Variants in METTL8 observed in about 807,000 individuals in gnomAD.
METTL8 encodes the protein methyltransferase 8, tRNA N3-cytidine.
In METTL8, 32 loss-of-function variants were observed where a neutral mutation model predicts 48.7. The observed-to-expected ratio is 0.66, with a 90% CI of 0.50 to 0.88. The LOEUF (loss-of-function observed/expected upper bound fraction) is 0.88. METTL8 is among the 40% of genes least tolerant of loss of function. The pLI is 0.00. For missense variants in METTL8, 464 were observed against 474.4 expected (o/e 0.98, Z 0.20); for synonymous variants, 136 against 157.1 (o/e 0.87, Z 1.01).
chr2:171,399,355 G>A (rs1222898653), intron 1 of METTL8, among the ~76,000 whole-genome samples: 1 of 152,146 alleles, frequency 6.6e-6, no homozygotes, highest in Non-Finnish European at 1.5e-5. Flanking sequence ...CAGACTTCCT[G>A]CCAGCTCTAG....
Position 171,318,754 on chromosome 2 carries a change from C to T in METTL8, c.*5418G>A, listed in dbSNP as rs1684382406. 1 of 151,902 alleles carries T rather than the reference C, an allele frequency of 6.6e-6. No individual in the cohort carries two copies. The highest frequency in any genetic ancestry group is 2.4e-5 in the African/African-American group (1 of 41,336). 9.4% of individuals were successfully genotyped at this position (151,902 alleles called of 1,614,324 possible). On this transcript the variant is annotated 3_prime_UTR_variant, in exon 10 of 10. Transcript: ENST00000375258. ...AGGTCGTCTGAAACAAACTCCTCTC[C>T]ACTGCTATCGTTTTCTGCTTGACTC...
rs1279359817 is a variant in METTL8, at chr2:171,326,022, C to A, written c.967+20G>T. On this transcript the variant is annotated intron_variant, in intron 8 of 9. Transcript: ENST00000375258. The stretch of plus-strand genomic sequence containing the variant: ...TCTTTAGAACATTTAAAAATAACCT[C>A]AAACTGAATATACTATTACCCTTTT... 1 of 1,415,100 alleles carries A rather than the reference C, an allele frequency of 7.1e-7. No individual in the cohort carries two copies. The highest frequency in any genetic ancestry group is 1.3e-5 in the South Asian group (1 of 78,176). The allele number at this position is 1,415,100 out of a possible 1,614,324, so 87.7% of individuals were successfully genotyped here.
intron 2 of METTL8, among the ~76,000 whole-genome samples, chr2:171,382,766 C>A (rs1687688876): frequency 1.3e-5 from 2 of 151,470 alleles, no homozygotes; most frequent in Non-Finnish European, 3.0e-5. Flanking sequence ...TACAAAAAAA[C>A]AAACAAACAA....
intron 7 of METTL8, among the ~76,000 whole-genome samples, chr2:171,326,549 T>G (rs1324842729): frequency 2.0e-5 from 3 of 152,212 alleles, no homozygotes. Flanking sequence ...CCATCCCAAG[T>G]TGTACATATC....
At chr2:171,330,967 A>G (rs1685466846) in intron 6 of METTL8, among the ~76,000 whole-genome samples, 1 of 152,160 alleles carries the variant, frequency 6.6e-6, no homozygotes, top group Admixed American at 6.5e-5. Flanking sequence ...CTGAGTTAGT[A>G]GACAGTGTTG....
chr2:171,374,787 C>A (rs536371188), intron 2 of METTL8: 1 of 636,720 alleles, frequency 1.6e-6, no homozygotes, highest in East Asian at 2.7e-5. Context: ...TTTCACTCAG[C>A]ATAATTATTC....
At position 171,392,188 on chromosome 2, in the gene METTL8, T is replaced by C; in HGVS notation, c.-3A>G. On this transcript the variant is annotated 5_prime_UTR_variant, in exon 2 of 10. Coordinates refer to ENST00000375258, the MANE Select transcript of METTL8 (RefSeq NM_001321154.2). The stretch of plus-strand genomic sequence containing the variant: ...GAATTTCTCCAAATCATATTCATCC[T>C]AAGCAGTACCTAAAAAGTTACAAAT... 1.3e-6 allele frequency: 2 copies of C among 1,550,532 alleles called. No homozygotes were observed. The highest frequency in any genetic ancestry group is 1.7e-6 in the Non-Finnish European group (2 of 1,146,506).
At chr2:171,406,389 A>G (rs891846380) in intron 1 of METTL8, among the ~76,000 whole-genome samples, 1 of 152,210 alleles carries the variant, frequency 6.6e-6, no homozygotes. Context: ...CCACAACAAA[A>G]TATCATAGAC....
intron 4 of METTL8, 68 bp downstream of exon 4, chr2:171,339,115 TA>T: frequency 7.6e-7 from 1 of 1,321,648 alleles, no homozygotes; most frequent in Non-Finnish European, 9.9e-7. Context: ...GGATTTTTAA[TA>T]AAATAATACA....
intron 7 of METTL8, among the ~76,000 whole-genome samples, chr2:171,327,812 G>A (rs1456937835): frequency 1.3e-5 from 2 of 152,046 alleles, no homozygotes; most frequent in African/African-American, 2.4e-5. Context: ...TAGGCTTTGC[G>A]AATGAAAGAA....
At chr2:171,427,307 C>G (rs926450113) in intron 1 of METTL8, among the ~76,000 whole-genome samples, 7 of 152,180 alleles carry the variant, frequency 4.6e-5, no homozygotes, top group Admixed American at 1.3e-4. Flanking sequence ...CACCTGTCTC[C>G]TTACAATTAT....
At chr2:171,348,886 T>C (rs1235971882) in intron 3 of METTL8, among the ~76,000 whole-genome samples, 2 of 151,850 alleles carry the variant, frequency 1.3e-5, no homozygotes, top group Admixed American at 6.6e-5. Flanking sequence ...GAAAGTCCTA[T>C]AGAGAGAATA....
chr2:171,392,217 T>C lies in METTL8; in HGVS notation c.-12-20A>G. ...CAGTACCTAAAAAGTTACAAATGAT[T>C]AATTAGTCAACATAGATTAAACAGT... is the stretch of plus-strand genomic sequence containing the variant. On this transcript the variant is annotated intron_variant, in intron 1 of 9. Coordinates refer to ENST00000375258, the MANE Select transcript of METTL8 (RefSeq NM_001321154.2). 6.5e-7 allele frequency: 1 copy of C among 1,540,962 alleles called. No individual in the cohort carries two copies. Among genetic ancestry groups the C allele is most frequent in the Non-Finnish European group, 8.8e-7 (1 of 1,138,632 alleles).
chr2:171,375,408 T>C (rs1686860706), intron 2 of METTL8: 1 of 608,226 alleles, frequency 1.6e-6, no homozygotes, highest in Admixed American at 2.9e-5. Flanking sequence ...AAAATGGTTA[T>C]ACCATTTTAT....
intron 1 of METTL8, among the ~76,000 whole-genome samples, chr2:171,413,753 G>A (rs915737475): frequency 3.3e-5 from 5 of 152,080 alleles, no homozygotes; most frequent in African/African-American, 1.2e-4. Context: ...AATTTTCTGG[G>A]TGATATGGAT....
At position 171,322,114 on chromosome 2, in the gene METTL8, C is replaced by T. The variant is rs1423076636; in HGVS notation, c.*2058G>A. 3 of 151,900 alleles carry T rather than the reference C, an allele frequency of 2.0e-5. No individual in the cohort carries two copies. The allele number at this position is 151,900 out of a possible 1,614,324, so 9.4% of individuals were successfully genotyped here. On this transcript the variant is annotated 3_prime_UTR_variant, in exon 10 of 10. Coordinates refer to ENST00000375258, the MANE Select transcript of METTL8 (RefSeq NM_001321154.2). ...AGTAGCTGGGATTACAGGTGCCCAC[C>T]ACCACGCCTGGCTAATTTTTTTTGT...
At chr2:171,401,918 T>C (rs1366862634) in intron 1 of METTL8, among the ~76,000 whole-genome samples, 1 of 152,206 alleles carries the variant, frequency 6.6e-6, no homozygotes. Flanking sequence ...TAATATGTAT[T>C]ATTGTTAAGT....
Position 171,360,481 on chromosome 2 carries a change from G to A in METTL8, c.176C>T (p.Ala59Val). The A allele has an allele frequency of 6.2e-7, 1 of 1,613,570 alleles. No individual in the cohort carries two copies. Among genetic ancestry groups the A allele is most frequent in the South Asian group, 1.1e-5 (1 of 91,048 alleles). Residue 59 changes from alanine (A) to valine (V), a missense_variant, in exon 3 of 10, where the codon GCA becomes GTA. Ala to Val is a moderately conservative substitution (Grantham distance 64). Transcript: ENST00000375258. ...DHMQWSKEEE[A>V]AARKKVKENS... is the part of the protein sequence containing the mutation. ...TTCTTTTACTTTTTTTCTGGCTGCT[G>A]CTTCTTCTTCCTTAGACCACTGCAT...
At chr2:171,345,848 ATTATG>A (rs1687214165) in intron 3 of METTL8, among the ~76,000 whole-genome samples, 1 of 152,210 alleles carries the variant, frequency 6.6e-6, no homozygotes, top group Non-Finnish European at 1.5e-5. Flanking sequence ...ATAAAATATA[ATTATG>A]TTAACTCAAA....
Sources: gnomAD v4.1 joint callset for allele counts (sites outside exome capture counted in the v4.1 genomes callset) on GRCh38, gnomAD v4.1.1 for gene constraint, MANE v1.5 for transcripts, NCBI Gene and HGNC (gene_info 2026-07-23, HGNC 2026-07-21) for gene names.